Variants in SHISA9 observed in about 807,000 individuals in gnomAD.
SHISA9 encodes the protein shisa family member 9.
A neutral mutation model predicts 38.0 loss-of-function variants in SHISA9; 13 were observed. That is an observed-to-expected ratio of 0.34 (90% CI 0.22 to 0.54). The LOEUF is 0.54. Ranked by LOEUF, SHISA9 falls within the 20% of genes least tolerant of loss-of-function variation. The pLI is 0.91. For missense variants in SHISA9, 538 were observed against 575.8 expected (o/e 0.93, Z 0.67); for synonymous variants, 275 against 242.0 (o/e 1.14, Z -1.27).
At chr16:13,323,737 A>C in the SHISA9 span, among the ~76,000 whole-genome samples, 1 of 152,158 alleles carries the variant, frequency 6.6e-6, no homozygotes, top group African/African-American at 2.4e-5. Context: ...GCCCCTTATA[A>C]AACCATCAGA....
the SHISA9 span, among the ~76,000 whole-genome samples, chr16:13,293,495 AG>A: frequency 1.3e-5 from 2 of 152,200 alleles, no homozygotes; most frequent in Non-Finnish European, 2.9e-5. Flanking sequence ...ACCTTAGGCA[AG>A]TTGCTCAGCC....
chr16:13,225,068 TAAG>T (rs990287331), intron 4 of SHISA9, among the ~76,000 whole-genome samples: 1 of 152,058 alleles, frequency 6.6e-6, no homozygotes, highest in Admixed American at 6.6e-5. Context: ...GATATCCTTA[TAAG>T]AAGGGAGAAA....
At chr16:13,322,670 C>T in the SHISA9 span, among the ~76,000 whole-genome samples, 1 of 152,182 alleles carries the variant, frequency 6.6e-6, no homozygotes, top group Non-Finnish European at 1.5e-5. Context: ...GATGCGCTTC[C>T]CTCACCCACT....
At chr16:13,061,060 C>G (rs2073369794) in intron 2 of SHISA9, among the ~76,000 whole-genome samples, 1 of 152,170 alleles carries the variant, frequency 6.6e-6, no homozygotes, top group African/African-American at 2.4e-5. Flanking sequence ...TCCACTGGGA[C>G]TGAAGGAACT....
At chr16:13,541,083 G>C in the SHISA9 span, among the ~76,000 whole-genome samples, 7 of 152,172 alleles carry the variant, frequency 4.6e-5, no homozygotes, top group Non-Finnish European at 1.0e-4. Context: ...GACAAGCTGT[G>C]TGTTATTTTT....
chr16:13,171,520 C>A (rs941248475), intron 2 of SHISA9, among the ~76,000 whole-genome samples: 2 of 152,100 alleles, frequency 1.3e-5, no homozygotes, highest in Non-Finnish European at 2.9e-5. Context: ...GAAGCCCTTT[C>A]TTGAAGCTGA....
chr16:13,197,299 G>A (rs1051693018), intron 2 of SHISA9, among the ~76,000 whole-genome samples: 16 of 152,106 alleles, frequency 1.1e-4, no homozygotes, highest in Non-Finnish European at 1.9e-4. Flanking sequence ...CTTTGAAGGA[G>A]TCATTATGTT....
intron 2 of SHISA9, among the ~76,000 whole-genome samples, chr16:12,951,186 A>T (rs1389185923): frequency 1.6e-5 from 2 of 124,402 alleles, no homozygotes; most frequent in Non-Finnish European, 3.2e-5. Flanking sequence ...GCACCACGGC[A>T]CTCCAACCTG....
the SHISA9 span, among the ~76,000 whole-genome samples, chr16:13,491,976 T>G: frequency 6.6e-6 from 1 of 151,162 alleles, no homozygotes; most frequent in Non-Finnish European, 1.5e-5. Flanking sequence ...CATGTCTAGC[T>G]AAGGGCTGGG....
the SHISA9 span, among the ~76,000 whole-genome samples, chr16:13,399,556 C>T: frequency 6.6e-6 from 1 of 152,204 alleles, no homozygotes; most frequent in Admixed American, 6.5e-5. Context: ...TCTCGTCACC[C>T]CTTCTAGCCA....
intron 2 of SHISA9, among the ~76,000 whole-genome samples, chr16:13,060,445 G>C (rs950648515): frequency 6.6e-6 from 1 of 152,068 alleles, no homozygotes; most frequent in African/African-American, 2.4e-5. Flanking sequence ...GAAATGGGCA[G>C]ATTGGAACGG....
the SHISA9 span, among the ~76,000 whole-genome samples, chr16:13,282,938 A>G: frequency 6.6e-6 from 1 of 152,104 alleles, no homozygotes; most frequent in Non-Finnish European, 1.5e-5. Context: ...GCGAATATGT[A>G]TAATCACTGT....
intron 2 of SHISA9, among the ~76,000 whole-genome samples, chr16:13,063,168 G>A (rs923376698): frequency 6.6e-6 from 1 of 151,900 alleles, no homozygotes; most frequent in African/African-American, 2.4e-5. Context: ...CACCACACCC[G>A]GCTACATTTT....
chr16:13,390,387 A>G, the SHISA9 span, among the ~76,000 whole-genome samples: 1 of 151,950 alleles, frequency 6.6e-6, no homozygotes, highest in Non-Finnish European at 1.5e-5. Flanking sequence ...ATCTCGGCTC[A>G]GTTGTGTTGT....
At chr16:13,230,675 C>T (rs1007053729) in intron 4 of SHISA9, among the ~76,000 whole-genome samples, 16 of 152,040 alleles carry the variant, frequency 1.1e-4, no homozygotes, top group Non-Finnish European at 1.5e-4. Context: ...GAATTCAGGG[C>T]GAGTCCATAG....
At chr16:13,476,748 T>G in the SHISA9 span, among the ~76,000 whole-genome samples, 3 of 112,564 alleles carry the variant, frequency 2.7e-5, no homozygotes, top group African/African-American at 4.2e-5. Context: ...GTTTTTTTTT[T>G]TTTTTTTTTT....
the SHISA9 span, among the ~76,000 whole-genome samples, chr16:13,529,737 A>G: frequency 1.3e-5 from 2 of 152,216 alleles, no homozygotes; most frequent in African/African-American, 4.8e-5. Flanking sequence ...CCTATAGGGC[A>G]TCCTGTGTTT....
chr16:12,913,353 C>T (rs1039494462), intron 1 of SHISA9, among the ~76,000 whole-genome samples: 5 of 152,186 alleles, frequency 3.3e-5, no homozygotes, highest in African/African-American at 9.6e-5. Context: ...CCCACCACCA[C>T]GCCCAGCTAA....
intron 3 of SHISA9, among the ~76,000 whole-genome samples, chr16:13,204,487 C>G (rs73507138): frequency 0.016 from 2,379 of 152,306 alleles, 56 homozygotes; most frequent in African/African-American, 0.055. Context: ...CTCAGGGAAT[C>G]TTGACATAGA....
Sources: gnomAD v4.1 joint callset for allele counts (sites outside exome capture counted in the v4.1 genomes callset) on GRCh38, gnomAD v4.1.1 for gene constraint, MANE v1.5 for transcripts, NCBI Gene and HGNC (gene_info 2026-07-23, HGNC 2026-07-21) for gene names.